SLC5A10: variants seen among roughly 807,000 people sequenced by gnomAD.
SLC5A10 encodes sodium/mannose cotransporter SLC5A10.
A neutral mutation model predicts 68.9 loss-of-function variants in SLC5A10; 55 were observed. The observed-to-expected ratio is 0.80, with a 90% CI of 0.64 to 1.00. The LOEUF is 1.00. Among genes scored for constraint, SLC5A10 ranks in the 50% least tolerant of loss-of-function variants. The probability of loss-of-function intolerance (pLI) is 0.00; values close to 1 mark genes in which losing one functional copy is unlikely to be tolerated. For synonymous variants in SLC5A10, 344 were observed against 344.8 expected (o/e 1.00, Z 0.02); for missense variants, 732 against 819.3 (o/e 0.89, Z 1.30).
chr17:18,956,736 A>G (rs931852874), intron 1 of SLC5A10, among the ~76,000 whole-genome samples: 3 of 152,072 alleles, frequency 2.0e-5, no homozygotes, highest in Admixed American at 6.5e-5. Flanking sequence ...TTGGCCTCCC[A>G]AAGTGTTGGG....
Position 18,989,413 on chromosome 17 carries a change from C to T in SLC5A10, c.982+12424C>T, listed in dbSNP as rs141743979. Among the ~76,000 whole-genome samples the T allele has an allele frequency of 4.6e-5, 7 of 151,976 alleles. No homozygotes were observed. The East Asian group carries it at 1.4e-3, about 29-fold the overall frequency. ...CCAAAGTGAGCTCACCAGGCTGGCC[C>T]CTGCAGGCCCATCTGGGCTCCTCCT... is the stretch of plus-strand genomic sequence containing the variant. On this transcript the variant is annotated intron_variant, in intron 9 of 14. Transcript: ENST00000395645.
intron 2 of SLC5A10, 128 bp from the exon 3 acceptor site, chr17:18,959,007 G>A: frequency 1.1e-6 from 1 of 904,628 alleles, no homozygotes; most frequent in Non-Finnish European, 1.7e-6. Context: ...CACACCCTGG[G>A]CTCCTCATCC....
intron 9 of SLC5A10, among the ~76,000 whole-genome samples, chr17:18,998,179 C>T (rs1322907647): frequency 6.6e-6 from 1 of 152,262 alleles, no homozygotes; most frequent in Non-Finnish European, 1.5e-5. Flanking sequence ...AGGCTGGGGC[C>T]AACGTGGGCC....
chr17:19,020,500 C>A lies in SLC5A10; in HGVS notation c.*69C>A. 2 of 1,468,314 alleles carry A rather than the reference C, an allele frequency of 1.4e-6. No homozygotes were observed. Among genetic ancestry groups the A allele is most frequent in the Non-Finnish European group, 1.9e-6 (2 of 1,060,054 alleles). 91.0% of individuals were successfully genotyped at this position (1,468,314 alleles called of 1,614,324 possible). A position where few individuals can be genotyped will look rare whatever the true frequency, so the allele number is the denominator to read the frequency against. ...GTCCACCCATTTCCCTCATGGGGAT[C>A]CCGAGGCCCCAAGAGGGGCAGATTC... On this transcript the variant is annotated 3_prime_UTR_variant, in exon 15 of 15. Coordinates refer to ENST00000395645, the MANE Select transcript of SLC5A10 (RefSeq NM_001042450.4).
In SLC5A10 at chr17:18,968,654, A is replaced by G. The variant is rs1567782646; in HGVS notation, c.454-398A>G. 5.4e-6 allele frequency: 1 copy of G among 183,722 alleles called. No individual in the cohort carries two copies. Among genetic ancestry groups the G allele is most frequent in the African/African-American group, 2.4e-5 (1 of 42,138 alleles). The allele number at this position is 183,722 out of a possible 1,614,324, so 11.4% of individuals were successfully genotyped here. ...TTTCCTGAGGCCTACTGGTCCGCCC[A>G]GCACACACTTTTCCTGAGGCCTACT... On this transcript the variant is annotated intron_variant, in intron 5 of 14. Coordinates refer to ENST00000395645, the MANE Select transcript of SLC5A10 (RefSeq NM_001042450.4). The surrounding 1 kb of genome is among the most constrained non-coding windows in gnomAD (Gnocchi z 4.1).
chr17:18,962,184 G>T (rs2042625558), intron 5 of SLC5A10, among the ~76,000 whole-genome samples: 1 of 152,222 alleles, frequency 6.6e-6, no homozygotes, highest in African/African-American at 2.4e-5. Context: ...TCTGCCAGGG[G>T]CTCGCACTGT....
At chr17:18,951,427 G>A (rs895702004), upstream of SLC5A10, among the ~76,000 whole-genome samples, 1 of 151,236 alleles carries the variant, frequency 6.6e-6, no homozygotes, top group Non-Finnish European at 1.5e-5. Flanking sequence ...CGTGAAATGG[G>A]ATCATGTGCG....
intron 9 of SLC5A10, chr17:18,978,427 CGTGG>C (rs1567790997): frequency 6.3e-7 from 1 of 1,596,292 alleles, no homozygotes; most frequent in Non-Finnish European, 8.5e-7. Flanking sequence ...GCTCCACCCA[CGTGG>C]GCAGGTACTC....
intron 9 of SLC5A10, among the ~76,000 whole-genome samples, chr17:19,006,850 T>G (rs1372897434): frequency 6.6e-6 from 1 of 152,250 alleles, no homozygotes; most frequent in East Asian, 1.9e-4. Context: ...CCAGGTTGTT[T>G]CATGGATCAA....
rs1476342336 is a variant in SLC5A10 at position 19,003,104 on chromosome 17, C to A, written c.983-10306C>A. 6.6e-6 allele frequency among the ~76,000 whole-genome samples: 1 copy of A among 152,032 alleles called. No homozygotes were observed. The highest frequency in any genetic ancestry group is 6.6e-5 in the Admixed American group (1 of 15,258). On this transcript the variant is annotated intron_variant, in intron 9 of 14. Transcript: ENST00000395645. This position sits in a 1 kb window ranked among gnomAD's most constrained non-coding sequence, Gnocchi z 4.5. Reference sequence around the variant, plus strand: ...CTTGGACCATGCCTATTCCCTCACCCCACAACAAAAGCTCTCCCCACCAGA... The same window carrying A: ...CTTGGACCATGCCTATTCCCTCACCACACAACAAAAGCTCTCCCCACCAGA...
At chr17:18,961,700 C>T (rs905701378) in intron 5 of SLC5A10, among the ~76,000 whole-genome samples, 1 of 152,140 alleles carries the variant, frequency 6.6e-6, no homozygotes, top group Non-Finnish European at 1.5e-5. Context: ...GAGCTGTGGG[C>T]AGGGCTACCT....
At chr17:18,978,055 A>T (rs1406787045) in intron 9 of SLC5A10, 1 of 1,520,306 alleles carries the variant, frequency 6.6e-7, no homozygotes, top group African/African-American at 1.4e-5. Context: ...GGTCTGTCCC[A>T]TTCTGGGGAG....
rs768759702 is a variant in SLC5A10 at position 19,019,900 on chromosome 17, T to C, written c.1598T>C (p.Leu533Pro). The change falls in exon 13 of 15, where the codon CTG (leucine) becomes CCG (proline). Residue 533 changes from leucine to proline, a missense_variant. Coordinates refer to ENST00000395645, the MANE Select transcript of SLC5A10 (RefSeq NM_001042450.4). ...GGTGCTGTTGTGGTGGCTGGAAGCC[T>C]GCTGACCCCACCCCCACAGAGTGTC... is the stretch of plus-strand genomic sequence containing the variant. The part of the protein sequence containing the change: ...LSGAVVVAGS[L>P]LTPPPQSVQI... The C allele has an allele frequency of 3.7e-6, 6 of 1,610,106 alleles. No individual in the cohort carries two copies. The African/African-American group carries it at 8.0e-5, about 22-fold the overall frequency.
intron 1 of SLC5A10, among the ~76,000 whole-genome samples, chr17:18,952,951 G>A (rs2042402830): frequency 6.6e-6 from 1 of 152,080 alleles, no homozygotes; most frequent in Admixed American, 6.5e-5. Flanking sequence ...AGCAAGGGAA[G>A]GGCTCCTCTG....
intron 1 of SLC5A10, among the ~76,000 whole-genome samples, chr17:18,956,877 A>C (rs1247531396): frequency 6.6e-6 from 1 of 152,072 alleles, no homozygotes; most frequent in East Asian, 1.9e-4. Flanking sequence ...GTACTAACCC[A>C]CTAAAGCTCA....
intron 8 of SLC5A10, chr17:18,976,650 C>A: frequency 1.6e-6 from 1 of 619,076 alleles, no homozygotes; most frequent in Non-Finnish European, 2.8e-6. Context: ...TGTACCTCGG[C>A]TCTCGCTGCT....
chr17:18,994,397 T>C (rs1364301200), intron 9 of SLC5A10, among the ~76,000 whole-genome samples: 1 of 152,102 alleles, frequency 6.6e-6, no homozygotes, highest in Non-Finnish European at 1.5e-5. Flanking sequence ...ACTCTGAGTG[T>C]AGCAGCTAGG....
At position 19,017,360 on chromosome 17, in the gene SLC5A10, C is replaced by T. The variant is rs1057419710; in HGVS notation, c.1242-2063C>T. On this transcript the variant is annotated intron_variant, in intron 11 of 14. Transcript: ENST00000395645. The surrounding 1 kb of genome is among the most constrained non-coding windows in gnomAD (Gnocchi z 5.6). ...CCTGCCCGAAACACCACCATTGGAG[C>T]GGTATCTCCTAGGCCTCGTGGTCAT... is the stretch of plus-strand genomic sequence containing the variant. 3.9e-6 allele frequency: 6 copies of T among 1,551,790 alleles called. No individual in the cohort carries two copies. The highest frequency in any genetic ancestry group is 5.2e-6 in the Non-Finnish European group (6 of 1,147,032).
Position 18,960,651 on chromosome 17 carries a change from C to T in SLC5A10, c.452C>T (p.Ser151Leu), listed in dbSNP as rs139579009. 1.6e-5 allele frequency: 26 copies of T among 1,613,440 alleles called. No homozygotes were observed. Among genetic ancestry groups the T allele is most frequent in the East Asian group, 8.9e-5 (4 of 44,892 alleles). The change falls in exon 5 of 15, where the codon TCG becomes TTG. Residue 151 changes from serine to leucine, a missense_variant and splice_region_variant. Coordinates refer to ENST00000395645, the MANE Select transcript of SLC5A10 (RefSeq NM_001042450.4). The part of the protein sequence containing the change: ...SLLLSVFTKI[S>L]LDLYAGALFV... ...CTACTGTCTGTCTTCACCAAGATAT[C>T]GGTGAGCTGCCCCCGGCTCCCTGCT...
Sources: gnomAD v4.1 joint callset for allele counts (sites outside exome capture counted in the v4.1 genomes callset) on GRCh38, gnomAD v4.1.1 for gene constraint, Gnocchi (gnomAD v3.1) non-coding constraint, MANE v1.5 for transcripts, NCBI Gene and HGNC (gene_info 2026-07-23, HGNC 2026-07-21) for gene names.